The following BCL9 variants were observed in gnomAD, a reference collection of about 807,000 sequenced individuals.
BCL9 encodes the protein BCL9 transcription coactivator, also known as B-cell CLL/lymphoma 9 protein.
In BCL9, 25 loss-of-function variants were observed where a neutral mutation model predicts 88.5. The ratio of observed to expected loss-of-function variants is 0.28; its 90% CI spans 0.21 to 0.39. The LOEUF (loss-of-function observed/expected upper bound fraction) is 0.39. BCL9 is among the 10% of genes least tolerant of loss of function. The pLI, the probability that BCL9 is intolerant of heterozygous loss-of-function variation, is 1.00. For missense variants in BCL9, 1,817 were observed against 1,877.8 expected (o/e 0.97, Z 0.60); for synonymous variants, 711 against 673.3 (o/e 1.06, Z -0.87).
rs1658905720 is a variant in BCL9, at chr1:147,625,636, T to A, written c.*677T>A. On this transcript the variant is annotated 3_prime_UTR_variant, in exon 10 of 10. Coordinates refer to ENST00000234739, the MANE Select transcript of BCL9 (RefSeq NM_004326.4). ...TGAAAAATAATGACTCTTAGGACAT[T>A]TGTTTTTCAGTTCAAGTGCTCTTCA... is the stretch of plus-strand genomic sequence containing the variant. The A allele has an allele frequency of 4.4e-6, 1 of 229,052 alleles. No individual in the cohort carries two copies. The highest frequency in any genetic ancestry group is 8.7e-6 in the Non-Finnish European group (1 of 115,500). 14.2% of individuals were successfully genotyped at this position (229,052 alleles called of 1,614,324 possible). A position where few individuals can be genotyped will look rare whatever the true frequency, so the allele number is the denominator to read the frequency against.
chr1:147,600,538 G>A (rs955322553), intron 1 of BCL9, among the ~76,000 whole-genome samples: 1 of 151,600 alleles, frequency 6.6e-6, no homozygotes, highest in African/African-American at 2.4e-5. Flanking sequence ...TGTGGGGGGA[G>A]GTGGGGGTGC....
intron 1 of BCL9, among the ~76,000 whole-genome samples, chr1:147,586,652 C>T (rs1181574820): frequency 6.6e-6 from 1 of 152,110 alleles, no homozygotes; most frequent in Non-Finnish European, 1.5e-5. Context: ...TCCCAGTGCT[C>T]GGGACCCTAT....
chr1:147,614,415 T>G lies in BCL9; in HGVS notation c.371-12T>G. On this transcript the variant is annotated splice_polypyrimidine_tract_variant and intron_variant, in intron 5 of 9. Coordinates refer to ENST00000234739, the MANE Select transcript of BCL9 (RefSeq NM_004326.4). ...TTTATTCTTTCTGTGACGAGTCATT[T>G]TATTCTTTTAGAATGTAATTCTGCT... 2 of 1,612,636 alleles carry G rather than the reference T, an allele frequency of 1.2e-6. No homozygotes were observed. The highest frequency in any genetic ancestry group is 1.7e-6 in the Non-Finnish European group (2 of 1,178,646).
chr1:147,625,992 T>G lies in BCL9; in HGVS notation c.*1033T>G, dbSNP rs1658930724. On this transcript the variant is annotated 3_prime_UTR_variant, in exon 10 of 10. Coordinates refer to ENST00000234739, the MANE Select transcript of BCL9 (RefSeq NM_004326.4). ...TCCCTGCCCACCTTGTTTTCTGTTC[T>G]CCTTTTATTAGGAATTCCCAAGTGA... is the stretch of plus-strand genomic sequence containing the variant. 4.4e-6 allele frequency: 1 copy of G among 229,786 alleles called. No individual in the cohort carries two copies. The highest frequency in any genetic ancestry group is 2.3e-5 in the African/African-American group (1 of 44,188). 14.2% of individuals were successfully genotyped at this position (229,786 alleles called of 1,614,324 possible). A position where few individuals can be genotyped will look rare whatever the true frequency, so the allele number is the denominator to read the frequency against.
chr1:147,619,387 C>A lies in BCL9; in HGVS notation c.1232C>A (p.Ala411Asp), dbSNP rs1658478887. The A allele has an allele frequency of 1.2e-6, 2 of 1,614,060 alleles. No homozygotes were observed. The highest frequency in any genetic ancestry group is 4.5e-5 in the East Asian group (2 of 44,880). Reference sequence around the variant, plus strand: ...GAAGGGCCAATACAGGCCATGATGGCCCAATCCCAAAGCCTAGGTAAGGGA... The same window carrying A: ...GAAGGGCCAATACAGGCCATGATGGACCAATCCCAAAGCCTAGGTAAGGGA... ...KPEGPIQAMM[A>D]QSQSLGKGPG... The change falls in exon 8 of 10, where the codon GCC becomes GAC. Residue 411 changes from alanine to aspartate, a missense_variant. This residue lies in a region of BCL9 where 1,228 missense variants were observed against 1,191.6 expected (regional missense o/e 1.03). Transcript: ENST00000234739. The surrounding 1 kb of genome is among the most constrained non-coding windows in gnomAD (Gnocchi z 4.1).
chr1:147,602,559 G>A (rs994504213), intron 1 of BCL9, among the ~76,000 whole-genome samples: 15 of 152,122 alleles, frequency 9.9e-5, no homozygotes, highest in African/African-American at 2.9e-4. Context: ...ATGAGGAATG[G>A]GAGTATGAGA....
At chr1:147,573,295 AC>A (rs1179519916) in intron 1 of BCL9, among the ~76,000 whole-genome samples, 2 of 152,224 alleles carry the variant, frequency 1.3e-5, no homozygotes, top group Non-Finnish European at 2.9e-5. Context: ...CACTAAAAAT[AC>A]AAAAAAATTA....
In BCL9 at chr1:147,619,752, C is replaced by G. The variant is rs148551214; in HGVS notation, c.1597C>G (p.Pro533Ala). 1.9e-6 allele frequency: 3 copies of G among 1,613,920 alleles called. No homozygotes were observed. Among genetic ancestry groups the G allele is most frequent in the Non-Finnish European group, 2.5e-6 (3 of 1,180,020 alleles). ...AGGCTGGGCACCTGGGGGTACAGAG[C>G]CATTTTCTGATGGTATCAACATGCC... ...SEGWAPGGTE[P>A]FSDGINMPHS... The change falls in exon 8 of 10, where the codon CCA becomes GCA. Residue 533 changes from proline to alanine, a missense_variant. This residue lies in a region of BCL9 where 1,228 missense variants were observed against 1,191.6 expected (regional missense o/e 1.03). Transcript: ENST00000234739. The surrounding 1 kb of genome is among the most constrained non-coding windows in gnomAD (Gnocchi z 4.1).
At position 147,624,793 on chromosome 1, in the gene BCL9, C is replaced by T. The variant is rs1658849432; in HGVS notation, c.4115C>T (p.Pro1372Leu). 1 of 1,614,142 alleles carries T rather than the reference C, an allele frequency of 6.2e-7. No individual in the cohort carries two copies. The highest frequency in any genetic ancestry group is 1.7e-5 in the Admixed American group (1 of 60,022). Residue 1372 changes from proline (P) to leucine (L), a missense_variant, in exon 10 of 10, where the codon CCT becomes CTT. Coordinates refer to ENST00000234739, the MANE Select transcript of BCL9 (RefSeq NM_004326.4). This position sits in a 1 kb window ranked among gnomAD's most constrained non-coding sequence, Gnocchi z 4.4. Reference protein sequence around the residue: ...DRGPAGLYTHPGPVGSPGMMM... With the variant: ...DRGPAGLYTHLGPVGSPGMMM... Reference sequence around the variant, plus strand: ...GGGCCTGCCGGGCTCTACACCCACCCTGGGCCTGTGGGCTCTCCAGGCATG... The same window carrying T: ...GGGCCTGCCGGGCTCTACACCCACCTTGGGCCTGTGGGCTCTCCAGGCATG...
Position 147,619,767 on chromosome 1 carries a change from A to G in BCL9, c.1612A>G (p.Ile538Val). 1 of 1,614,024 alleles carries G rather than the reference A, an allele frequency of 6.2e-7. No homozygotes were observed. Among genetic ancestry groups the G allele is most frequent in the African/African-American group, 1.3e-5 (1 of 75,002 alleles). Residue 538 changes from isoleucine to valine, a missense_variant, in exon 8 of 10, where the codon ATC (isoleucine) becomes GTC (valine). Transcript: ENST00000234739. The surrounding 1 kb of genome is among the most constrained non-coding windows in gnomAD (Gnocchi z 4.1). ...GGGTACAGAGCCATTTTCTGATGGT[A>G]TCAACATGCCACATTCTCTGCCCCC... ...PGGTEPFSDGINMPHSLPPRG... is the reference protein window; with the variant it reads ...PGGTEPFSDGVNMPHSLPPRG...
At chr1:147,543,468 A>C (rs1654422075) in intron 1 of BCL9, among the ~76,000 whole-genome samples, 1 of 152,260 alleles carries the variant, frequency 6.6e-6, no homozygotes, top group Admixed American at 6.5e-5. Flanking sequence ...AGTATGGGAA[A>C]AGCTGAAGGA....
Position 147,624,925 on chromosome 1 carries a change from A to G in BCL9, c.4247A>G (p.Gln1416Arg), listed in dbSNP as rs1392370213. The change falls in exon 10 of 10, where the codon CAA becomes CGA. Residue 1416 changes from glutamine to arginine, a missense_variant. Gln to Arg is a conservative substitution (Grantham distance 43). Coordinates refer to ENST00000234739, the MANE Select transcript of BCL9 (RefSeq NM_004326.4). This position sits in a 1 kb window ranked among gnomAD's most constrained non-coding sequence, Gnocchi z 4.4. ...GACGTGGGCATGGGTGGATTTAGCC[A>G]AGGACCTGGCAACCCAGGAAACATG... ...AADVGMGGFS[Q>R]GPGNPGNMMF The G allele has an allele frequency of 2.5e-6, 4 of 1,611,222 alleles. No individual in the cohort carries two copies. The highest frequency in any genetic ancestry group is 1.7e-5 in the Admixed American group (1 of 59,940).
intron 1 of BCL9, among the ~76,000 whole-genome samples, chr1:147,591,854 G>A (rs1407219038): frequency 3.9e-5 from 6 of 152,026 alleles, no homozygotes; most frequent in African/African-American, 1.4e-4. Flanking sequence ...AGAAATCTAT[G>A]GTTTGTGCGG....
intron 1 of BCL9, among the ~76,000 whole-genome samples, chr1:147,595,363 G>T (rs1377095653): frequency 6.6e-6 from 1 of 152,230 alleles, no homozygotes; most frequent in Non-Finnish European, 1.5e-5. Flanking sequence ...GGCTGAAATA[G>T]TTGGGTAGTA....
chr1:147,586,050 T>A lies in BCL9; in HGVS notation c.-477-18727T>A, dbSNP rs148564495. Among the ~76,000 whole-genome samples, 101 of 152,248 alleles carry A rather than the reference T, an allele frequency of 6.6e-4. No individual in the cohort carries two copies. In the East Asian group the frequency reaches 0.013, roughly 20 times the overall value. On this transcript the variant is annotated intron_variant, in intron 1 of 9. Coordinates refer to ENST00000234739, the MANE Select transcript of BCL9 (RefSeq NM_004326.4). ...ACAGTGGGATGCAAAATAAAAATCA[T>A]CACTATTATTGGCCTCTCTGTGCTT... is the stretch of plus-strand genomic sequence containing the variant.
At chr1:147,621,303 G>T (rs1658628434) in intron 8 of BCL9, among the ~76,000 whole-genome samples, 1 of 152,216 alleles carries the variant, frequency 6.6e-6, no homozygotes, top group South Asian at 2.1e-4. Flanking sequence ...GGGAATATGT[G>T]TTGGGTTCAC....
intron 1 of BCL9, among the ~76,000 whole-genome samples, chr1:147,597,876 A>G (rs1657122971): frequency 6.6e-6 from 1 of 152,200 alleles, no homozygotes; most frequent in South Asian, 2.1e-4. Flanking sequence ...TTCAATAATA[A>G]TTTTGAACTT....
chr1:147,609,834 G>C (rs1339778547), intron 3 of BCL9, among the ~76,000 whole-genome samples: 2 of 152,166 alleles, frequency 1.3e-5, no homozygotes, highest in African/African-American at 4.8e-5. Flanking sequence ...GAGTATTATA[G>C]AAAAACAAAA....
intron 1 of BCL9, among the ~76,000 whole-genome samples, chr1:147,575,378 C>T (rs1180667099): frequency 6.6e-6 from 1 of 152,168 alleles, no homozygotes; most frequent in African/African-American, 2.4e-5. Flanking sequence ...ACCATAAGCT[C>T]ATTTTTGCCT....
Sources: allele counts gnomAD v4.1 joint callset (sites outside exome capture counted in the v4.1 genomes callset), GRCh38; gene constraint gnomAD v4.1.1; regional missense constraint gnomAD v4.1.1; non-coding constraint Gnocchi (gnomAD v3.1); transcripts MANE v1.5; gene names NCBI Gene and HGNC (gene_info 2026-07-23, HGNC 2026-07-21).